Variants in BICD1 observed in about 807,000 individuals in gnomAD.
BICD1 encodes protein bicaudal D homolog 1.
BICD1 carries 35 observed loss-of-function variants against 92.5 expected under a neutral mutation model. That is an observed-to-expected ratio of 0.38 (90% CI 0.29 to 0.50). The LOEUF (loss-of-function observed/expected upper bound fraction) is 0.50, where lower values mean the gene tolerates loss of function less well. BICD1 is among the 20% of genes least tolerant of loss of function. BICD1 has a pLI of 0.93. For missense variants in BICD1, 950 were observed against 1,189.8 expected, an observed-to-expected ratio of 0.80 and a Z score of 2.97; for synonymous variants, 429 against 465.1, an observed-to-expected ratio of 0.92 and a Z score of 1.00.
At chr12:32,322,188 T>C (rs937110653) in intron 4 of BICD1, among the ~76,000 whole-genome samples, 2 of 151,984 alleles carry the variant, frequency 1.3e-5, no homozygotes, top group Admixed American at 1.3e-4. Flanking sequence ...GAAATATATA[T>C]AGATAGATAG....
intron 1 of BICD1, 101 bp downstream of exon 1, chr12:32,107,645 A>G (rs1417036845): frequency 7.7e-7 from 1 of 1,302,522 alleles, no homozygotes; most frequent in East Asian, 2.5e-5. Context: ...GATTGAAAGG[A>G]CTGTTTTTTC....
intron 1 of BICD1, among the ~76,000 whole-genome samples, chr12:32,151,426 G>C (rs962036384): frequency 6.6e-6 from 1 of 152,164 alleles, no homozygotes; most frequent in African/African-American, 2.4e-5. Context: ...ACTGGATTAT[G>C]GTACAGCTTT....
intron 2 of BICD1, among the ~76,000 whole-genome samples, chr12:32,257,228 A>G (rs2136119139): frequency 6.6e-6 from 1 of 152,096 alleles, no homozygotes; most frequent in African/African-American, 2.4e-5. Flanking sequence ...AAAAAAAAAA[A>G]AAAAAAATCT....
intron 1 of BICD1, among the ~76,000 whole-genome samples, chr12:32,145,483 T>C (rs1304884977): frequency 6.6e-6 from 1 of 152,242 alleles, no homozygotes; most frequent in African/African-American, 2.4e-5. Flanking sequence ...CAAGAGATCC[T>C]GAAAATCTTT....
intron 1 of BICD1, among the ~76,000 whole-genome samples, chr12:32,205,587 A>C (rs111689948): frequency 6.6e-6 from 1 of 151,146 alleles, no homozygotes; most frequent in Non-Finnish European, 1.5e-5. Context: ...TTTTATGTCA[A>C]ATTTTATAAT....
chr12:32,149,006 T>G, intron 1 of BICD1, among the ~76,000 whole-genome samples: 1 of 107,698 alleles, frequency 9.3e-6, no homozygotes. Context: ...GGTGACGAAG[T>G]GAGGCTCTGT....
At chr12:32,306,790 G>A (rs1258048063) in intron 4 of BICD1, among the ~76,000 whole-genome samples, 1 of 151,646 alleles carries the variant, frequency 6.6e-6, no homozygotes, top group African/African-American at 2.4e-5. Context: ...TGAAGCGGGC[G>A]GATCACCTGA....
chr12:32,107,967 G>A, intron 1 of BICD1: 1 of 463,622 alleles, frequency 2.2e-6, no homozygotes, highest in South Asian at 2.2e-5. Flanking sequence ...GATTTAGACT[G>A]TGTGGCACCT....
intron 1 of BICD1, among the ~76,000 whole-genome samples, chr12:32,174,703 A>G (rs1944043849): frequency 6.6e-6 from 1 of 152,160 alleles, no homozygotes; most frequent in African/African-American, 2.4e-5. Flanking sequence ...CTGTGAAAGC[A>G]TTGTCTTCAG....
At chr12:32,367,347 T>C (rs1370841981) in intron 8 of BICD1, among the ~76,000 whole-genome samples, 2 of 152,198 alleles carry the variant, frequency 1.3e-5, no homozygotes, top group Non-Finnish European at 2.9e-5. Flanking sequence ...AATTGGAAGA[T>C]CTTTCATTAT....
intron 5 of BICD1, among the ~76,000 whole-genome samples, chr12:32,329,378 T>C (rs1937728724): frequency 6.6e-6 from 1 of 152,130 alleles, no homozygotes. Flanking sequence ...ATTACAGGCA[T>C]GAACCACCGC....
chr12:32,252,780 T>A (rs1946601976), intron 2 of BICD1, among the ~76,000 whole-genome samples: 1 of 152,224 alleles, frequency 6.6e-6, no homozygotes. Context: ...ATCATTAATC[T>A]TGTAGTCATG....
intron 2 of BICD1, among the ~76,000 whole-genome samples, chr12:32,255,956 TTAA>T (rs1946706920): frequency 6.6e-6 from 1 of 152,174 alleles, no homozygotes; most frequent in Non-Finnish European, 1.5e-5. Flanking sequence ...ATATTATTAA[TTAA>T]TTATTATTAA....
chr12:32,228,764 G>A (rs946370895), intron 2 of BICD1, among the ~76,000 whole-genome samples: 1 of 152,168 alleles, frequency 6.6e-6, no homozygotes, highest in Admixed American at 6.5e-5. Context: ...CTTGACCAAC[G>A]TGAAAAATGG....
chr12:32,303,623 C>T (rs1195476821), intron 3 of BICD1, among the ~76,000 whole-genome samples: 2 of 152,090 alleles, frequency 1.3e-5, no homozygotes, highest in African/African-American at 4.8e-5. Context: ...TTTGTGCCAC[C>T]GCTTAGAACA....
intron 2 of BICD1, among the ~76,000 whole-genome samples, chr12:32,247,965 C>A (rs753694517): frequency 1.3e-5 from 2 of 151,678 alleles, no homozygotes; most frequent in African/African-American, 2.4e-5. Context: ...CACCTGTAAT[C>A]CCAACTATTC....
At chr12:32,331,059 C>CG (rs1012856207) in intron 5 of BICD1, among the ~76,000 whole-genome samples, 3 of 151,858 alleles carry the variant, frequency 2.0e-5, no homozygotes, top group African/African-American at 4.8e-5. Flanking sequence ...ACTTGAACCC[C>CG]GGGGGGCGGA....
chr12:32,343,829 A>T (rs1363427088), intron 8 of BICD1, among the ~76,000 whole-genome samples: 1 of 152,218 alleles, frequency 6.6e-6, no homozygotes, highest in Admixed American at 6.5e-5. Context: ...TCACCCCTTG[A>T]GATATATAGT....
chr12:32,230,402 A>G (rs1477929593), intron 2 of BICD1, among the ~76,000 whole-genome samples: 1 of 59,142 alleles, frequency 1.7e-5, no homozygotes, highest in Non-Finnish European at 3.6e-5. Context: ...CCTGTCTCAA[A>G]TAAATAAATA....
Sources: allele counts gnomAD v4.1 joint callset (sites outside exome capture counted in the v4.1 genomes callset), GRCh38; gene constraint gnomAD v4.1.1; transcripts MANE v1.5; gene names NCBI Gene and HGNC (gene_info 2026-07-23, HGNC 2026-07-21).